Variants in NEGR1 observed in about 807,000 individuals in gnomAD.
NEGR1 encodes IgLON family member 4.
A neutral mutation model predicts 40.9 loss-of-function variants in NEGR1; 10 were observed. The observed-to-expected ratio is 0.24, with a 90% confidence interval of 0.15 to 0.42. NEGR1 has a LOEUF of 0.42. Ranked by LOEUF, NEGR1 falls within the 10% of genes least tolerant of loss-of-function variation. NEGR1 has a pLI of 1.00. For missense variants in NEGR1, 352 were observed against 438.9 expected, an observed-to-expected ratio of 0.80 and a Z score of 1.77; for synonymous variants, 185 against 166.8, an observed-to-expected ratio of 1.11 and a Z score of -0.84.
At chr1:72,126,009 A>T (rs1650000966) in intron 1 of NEGR1, among the ~76,000 whole-genome samples, 1 of 151,834 alleles carries the variant, frequency 6.6e-6, no homozygotes, top group African/African-American at 2.4e-5. Context: ...CAATAACACT[A>T]AATTCTTTTA....
chr1:72,276,580 TTTA>T (rs1656054088), intron 1 of NEGR1, among the ~76,000 whole-genome samples: 1 of 152,174 alleles, frequency 6.6e-6, no homozygotes, highest in South Asian at 2.1e-4. Context: ...ATTCATTTGG[TTTA>T]TTAACATAAT....
At position 71,935,065 on chromosome 1, in the gene NEGR1, C is replaced by T. The variant is rs1645891497; in HGVS notation, c.409+14G>A. 1 of 1,502,704 alleles carries T rather than the reference C, an allele frequency of 6.7e-7. No individual in the cohort carries two copies. The highest frequency in any genetic ancestry group is 9.3e-7 in the Non-Finnish European group (1 of 1,078,928). 93.1% of individuals were successfully genotyped at this position (1,502,704 alleles called of 1,614,324 possible). A position where few individuals can be genotyped will look rare whatever the true frequency, so the allele number is the denominator to read the frequency against. ...CACAGTCTTTCACAATATAGCAGTTCTGAAAATACATACCTTGCACAGTTA... is the reference window on the plus strand; with the variant it reads ...CACAGTCTTTCACAATATAGCAGTTTTGAAAATACATACCTTGCACAGTTA... On this transcript the variant is annotated intron_variant, in intron 2 of 6. Transcript: ENST00000357731.
chr1:71,501,990 T>TA (rs1459409613), intron 6 of NEGR1, among the ~76,000 whole-genome samples: 4 of 152,242 alleles, frequency 2.6e-5, no homozygotes, highest in African/African-American at 9.6e-5. Flanking sequence ...AAGGAGGAAA[T>TA]AAAAGTGATT....
At chr1:71,723,875 C>G (rs1297950834) in intron 3 of NEGR1, among the ~76,000 whole-genome samples, 1 of 152,000 alleles carries the variant, frequency 6.6e-6, no homozygotes, top group Non-Finnish European at 1.5e-5. Context: ...TGGTATCTGA[C>G]ACTAGTTGCA....
At chr1:72,167,299 A>T (rs762442913) in intron 1 of NEGR1, among the ~76,000 whole-genome samples, 24 of 152,222 alleles carry the variant, frequency 1.6e-4, no homozygotes, top group South Asian at 4.1e-4. Context: ...ATAAGAAAAA[A>T]CTCATAGAAT....
chr1:72,036,004 A>G (rs1480040239), intron 1 of NEGR1, among the ~76,000 whole-genome samples: 2 of 152,318 alleles, frequency 1.3e-5, no homozygotes, highest in South Asian at 4.1e-4. Flanking sequence ...ATAACTTTGA[A>G]CATAAATAAT....
At chr1:72,062,219 C>A (rs1402817986) in intron 1 of NEGR1, among the ~76,000 whole-genome samples, 2 of 151,808 alleles carry the variant, frequency 1.3e-5, no homozygotes, top group Non-Finnish European at 2.9e-5. Context: ...GTCTCCTCCC[C>A]TTTGGAAGTT....
chr1:71,998,768 C>A (rs1646528295), intron 1 of NEGR1, among the ~76,000 whole-genome samples: 1 of 150,908 alleles, frequency 6.6e-6, no homozygotes, highest in Non-Finnish European at 1.5e-5. Flanking sequence ...AGTGTAATCT[C>A]AACTATATAT....
At chr1:71,914,667 C>T (rs924819759) in intron 2 of NEGR1, among the ~76,000 whole-genome samples, 1 of 152,094 alleles carries the variant, frequency 6.6e-6, no homozygotes, top group Non-Finnish European at 1.5e-5. Context: ...GTATTCAGTC[C>T]GATGGAAAGA....
At chr1:71,742,766 G>A (rs1291790803) in intron 3 of NEGR1, among the ~76,000 whole-genome samples, 1 of 152,156 alleles carries the variant, frequency 6.6e-6, no homozygotes, top group Non-Finnish European at 1.5e-5. Flanking sequence ...AGACTTTAGT[G>A]TTGATGTTGG....
At chr1:71,995,098 A>G (rs1646492501) in intron 1 of NEGR1, among the ~76,000 whole-genome samples, 2 of 152,246 alleles carry the variant, frequency 1.3e-5, no homozygotes, top group South Asian at 2.1e-4. Flanking sequence ...CGTGAGCTCA[A>G]TGTATAAGCA....
intron 5 of NEGR1, among the ~76,000 whole-genome samples, chr1:71,597,892 A>C (rs775810852): frequency 2.6e-5 from 4 of 152,088 alleles, no homozygotes; most frequent in Non-Finnish European, 5.9e-5. Flanking sequence ...CAGCCTGGAC[A>C]ACAGAGTGAG....
intron 1 of NEGR1, among the ~76,000 whole-genome samples, chr1:72,182,794 A>G (rs1187385132): frequency 6.7e-6 from 1 of 148,520 alleles, no homozygotes; most frequent in East Asian, 2.0e-4. Context: ...ATATATATAT[A>G]TATATGTTTG....
chr1:72,027,551 A>T (rs12402288), intron 1 of NEGR1, among the ~76,000 whole-genome samples: 14,979 of 151,988 alleles, frequency 0.099, 830 homozygotes, highest in Middle Eastern at 0.18. Flanking sequence ...AATAATAATT[A>T]AAAAATAATA....
At chr1:71,744,400 A>G (rs1262023867) in intron 3 of NEGR1, among the ~76,000 whole-genome samples, 2 of 150,632 alleles carry the variant, frequency 1.3e-5, no homozygotes, top group Non-Finnish European at 3.0e-5. Context: ...TAAAAACAAC[A>G]TATCCATGTC....
At chr1:71,837,842 T>C (rs1218167439) in intron 2 of NEGR1, among the ~76,000 whole-genome samples, 1 of 152,092 alleles carries the variant, frequency 6.6e-6, no homozygotes, top group Non-Finnish European at 1.5e-5. Context: ...TTAGAACAAA[T>C]ACTAAAATAT....
chr1:72,149,597 A>C (rs904306284), intron 1 of NEGR1, among the ~76,000 whole-genome samples: 3 of 152,052 alleles, frequency 2.0e-5, no homozygotes, highest in African/African-American at 4.8e-5. Flanking sequence ...AAATCCACCA[A>C]GTAGGCCGGG....
intron 1 of NEGR1, among the ~76,000 whole-genome samples, chr1:72,179,871 A>C (rs2100410547): frequency 6.6e-6 from 1 of 152,226 alleles, no homozygotes; most frequent in Middle Eastern, 3.4e-3. Context: ...AACATTGATG[A>C]AAGACATAGA....
At chr1:71,865,281 C>G (rs1660077400) in intron 2 of NEGR1, among the ~76,000 whole-genome samples, 1 of 152,160 alleles carries the variant, frequency 6.6e-6, no homozygotes, top group Non-Finnish European at 1.5e-5. Context: ...TAGGCACATG[C>G]ACACGTATGT....
Sources: gnomAD v4.1 joint callset for allele counts (sites outside exome capture counted in the v4.1 genomes callset) on GRCh38, gnomAD v4.1.1 for gene constraint, MANE v1.5 for transcripts, NCBI Gene and HGNC (gene_info 2026-07-23, HGNC 2026-07-21) for gene names.